The following ST6GALNAC3 variants were observed in gnomAD, a reference collection of about 807,000 sequenced individuals.
ST6GALNAC3 encodes alpha-N-acetylgalactosaminide alpha-2,6-sialyltransferase 3.
A neutral mutation model predicts 32.7 loss-of-function variants in ST6GALNAC3; 25 were observed. The observed-to-expected ratio is 0.76, with a 90% confidence interval of 0.56 to 1.07. ST6GALNAC3 has a LOEUF of 1.07. ST6GALNAC3 is among the 50% of genes least tolerant of loss of function. The probability of loss-of-function intolerance (pLI) is 0.00; values close to 1 mark genes in which losing one functional copy is unlikely to be tolerated. For missense variants in ST6GALNAC3, 355 were observed against 382.4 expected, an observed-to-expected ratio of 0.93 and a Z score of 0.60; for synonymous variants, 129 against 133.1, an observed-to-expected ratio of 0.97 and a Z score of 0.21.
At chr1:76,621,183 G>GAAA (rs1648623049) in intron 3 of ST6GALNAC3, among the ~76,000 whole-genome samples, 1 of 151,974 alleles carries the variant, frequency 6.6e-6, no homozygotes, top group African/African-American at 2.4e-5. Flanking sequence ...TTCTCCGGCA[G>GAAA]AAAAACTATT....
chr1:76,482,523 A>T (rs554880945), intron 3 of ST6GALNAC3, among the ~76,000 whole-genome samples: 40 of 152,302 alleles, frequency 2.6e-4, no homozygotes, highest in Non-Finnish European at 5.0e-4. Flanking sequence ...CACTGGGCCA[A>T]GTCCTCCACA....
chr1:76,109,954 A>G lies in ST6GALNAC3; in HGVS notation c.18+35070A>G, dbSNP rs556826160. Among the ~76,000 whole-genome samples the G allele has an allele frequency of 2.6e-5, 4 of 152,360 alleles. No homozygotes were observed. The South Asian group carries it at 8.3e-4, about 32-fold the overall frequency. ...AAAAAAGACCAGAATTTGAAAATGTAATAGAGTGCATATTCATTATTAAGA... is the reference window on the plus strand; with the variant it reads ...AAAAAAGACCAGAATTTGAAAATGTGATAGAGTGCATATTCATTATTAAGA... On this transcript the variant is annotated intron_variant, in intron 1 of 4. Transcript: ENST00000328299.
chr1:76,503,540 A>T (rs762628755), intron 3 of ST6GALNAC3, among the ~76,000 whole-genome samples: 26 of 152,238 alleles, frequency 1.7e-4, no homozygotes, highest in Non-Finnish European at 1.5e-5. Context: ...TTTTACAGAG[A>T]ATACAGTCTC....
rs370168353 is a variant in ST6GALNAC3, at chr1:76,368,739, T to A, written c.214-43269T>A. Among the ~76,000 whole-genome samples, 48 of 152,346 alleles carry A rather than the reference T, an allele frequency of 3.2e-4. 1 individual carries two copies. The highest frequency in any genetic ancestry group is 1.1e-3 in the African/African-American group (47 of 41,582). The stretch of plus-strand genomic sequence containing the variant: ...TTCTAGCAGGTGAAATTATTTATGG[T>A]CTTATAGTTTATGAGCCATGTCACC... On this transcript the variant is annotated intron_variant, in intron 2 of 4. Transcript: ENST00000328299.
intron 1 of ST6GALNAC3, among the ~76,000 whole-genome samples, chr1:76,264,212 G>A (rs1310991523): frequency 6.6e-6 from 1 of 152,066 alleles, no homozygotes; most frequent in Non-Finnish European, 1.5e-5. Flanking sequence ...GTGTTAGGAG[G>A]GAGTTGGGGT....
chr1:76,390,946 A>ATTTTTTTT (rs58114434), intron 2 of ST6GALNAC3, among the ~76,000 whole-genome samples: 1 of 120,984 alleles, frequency 8.3e-6, no homozygotes, highest in Admixed American at 8.2e-5. Context: ...ATATATATGT[A>ATTTTTTTT]TTTTTTTTTT....
At chr1:76,265,438 G>C (rs569490403) in intron 1 of ST6GALNAC3, among the ~76,000 whole-genome samples, 33 of 152,236 alleles carry the variant, frequency 2.2e-4, no homozygotes, top group African/African-American at 7.2e-4. Context: ...CATTGCATTT[G>C]CTTGTTCATG....
intron 1 of ST6GALNAC3, among the ~76,000 whole-genome samples, chr1:76,243,640 G>A (rs1319754805): frequency 6.6e-6 from 1 of 152,160 alleles, no homozygotes; most frequent in African/African-American, 2.4e-5. Context: ...TAAGGCATAA[G>A]GAAGTGGTCA....
chr1:76,594,174 T>C (rs1356510878), intron 3 of ST6GALNAC3, among the ~76,000 whole-genome samples: 1 of 152,198 alleles, frequency 6.6e-6, no homozygotes, highest in East Asian at 1.9e-4. Context: ...ATATGCTTTT[T>C]TTAGGAGTAT....
At chr1:76,164,635 CATT>C (rs1463581656) in intron 1 of ST6GALNAC3, among the ~76,000 whole-genome samples, 1 of 152,114 alleles carries the variant, frequency 6.6e-6, no homozygotes, top group East Asian at 1.9e-4. Context: ...GATTTTAAAA[CATT>C]AATATCTCAG....
At chr1:76,618,548 C>T (rs918518469) in intron 3 of ST6GALNAC3, among the ~76,000 whole-genome samples, 4 of 152,122 alleles carry the variant, frequency 2.6e-5, no homozygotes, top group African/African-American at 9.7e-5. Flanking sequence ...CTTTTTGCTG[C>T]ATAACAAACA....
intron 3 of ST6GALNAC3, among the ~76,000 whole-genome samples, chr1:76,456,410 A>C (rs1297989466): frequency 6.6e-6 from 1 of 151,772 alleles, no homozygotes. Context: ...GCAGTGGTGC[A>C]ATCTCGGCTC....
intron 2 of ST6GALNAC3, among the ~76,000 whole-genome samples, chr1:76,378,667 C>T (rs965910992): frequency 2.0e-5 from 2 of 101,918 alleles, no homozygotes; most frequent in Non-Finnish European, 4.0e-5. Flanking sequence ...CTTCCCCCCC[C>T]CAAAAAAAAA....
In ST6GALNAC3 at chr1:76,074,835, C is replaced by T. The variant is rs1449130645; in HGVS notation, c.-32C>T. ...ACTGCCCCTGACCCAGGCGCGCCCG[C>T]TGCTCGGTGGCAGGAGGGCCGGCGG... is the stretch of plus-strand genomic sequence containing the variant. On this transcript the variant is annotated 5_prime_UTR_variant, in exon 1 of 5. Transcript: ENST00000328299. 6.3e-7 allele frequency: 1 copy of T among 1,577,502 alleles called. No individual in the cohort carries two copies. The highest frequency in any genetic ancestry group is 8.6e-7 in the Non-Finnish European group (1 of 1,162,006).
chr1:76,636,010 T>C (rs1649496370), downstream of ST6GALNAC3, among the ~76,000 whole-genome samples: 1 of 152,216 alleles, frequency 6.6e-6, no homozygotes. Context: ...AAGAAAACAC[T>C]GAGTTTTGTG....
chr1:76,480,224 A>G (rs1373036332), intron 3 of ST6GALNAC3, among the ~76,000 whole-genome samples: 1 of 152,228 alleles, frequency 6.6e-6, no homozygotes, highest in Admixed American at 6.5e-5. Context: ...TTTGCATAAG[A>G]GTTATCACTA....
chr1:76,429,592 G>A (rs766174569), intron 3 of ST6GALNAC3, among the ~76,000 whole-genome samples: 26 of 152,040 alleles, frequency 1.7e-4, no homozygotes, highest in African/African-American at 4.8e-4. Flanking sequence ...AACAGTATAG[G>A]GACCTTCAAT....
At chr1:76,592,091 T>C (rs1647057004) in intron 3 of ST6GALNAC3, among the ~76,000 whole-genome samples, 1 of 152,142 alleles carries the variant, frequency 6.6e-6, no homozygotes, top group Admixed American at 6.5e-5. Flanking sequence ...GTTTAAGTGA[T>C]GGAAAGCAAC....
intron 2 of ST6GALNAC3, among the ~76,000 whole-genome samples, chr1:76,367,087 A>G (rs1206089356): frequency 6.6e-6 from 1 of 152,164 alleles, no homozygotes; most frequent in African/African-American, 2.4e-5. Context: ...TCTGAGCAAT[A>G]CCAGGCTAAT....
Sources: allele counts gnomAD v4.1 joint callset (sites outside exome capture counted in the v4.1 genomes callset), GRCh38; gene constraint gnomAD v4.1.1; transcripts MANE v1.5; gene names NCBI Gene and HGNC (gene_info 2026-07-23, HGNC 2026-07-21).